Variants in CBFA2T3 observed in about 807,000 individuals in gnomAD.
The protein encoded by CBFA2T3 is CBFA2/RUNX1 partner transcriptional co-repressor 3, also known as transcriptional corepressor CBFA2T3.
CBFA2T3 carries 31 observed loss-of-function variants against 58.6 expected under a neutral mutation model. The observed-to-expected ratio is 0.53, with a 90% confidence interval of 0.40 to 0.71. The LOEUF is 0.71. Among genes scored for constraint, CBFA2T3 ranks in the 30% least tolerant of loss-of-function variants. The pLI, the probability that CBFA2T3 is intolerant of heterozygous loss-of-function variation, is 0.00. For synonymous variants in CBFA2T3, 531 were observed against 421.9 expected, an observed-to-expected ratio of 1.26 and a Z score of -3.17; for missense variants, 1,076 against 963.1, an observed-to-expected ratio of 1.12 and a Z score of -1.55.
intron 3 of CBFA2T3, among the ~76,000 whole-genome samples, chr16:88,893,645 A>G (rs545198972): frequency 6.6e-6 from 1 of 152,306 alleles, no homozygotes; most frequent in Non-Finnish European, 1.5e-5. Flanking sequence ...GGAACAGCTG[A>G]TGAGCGCGCT....
At chr16:88,879,499 C>T in intron 10 of CBFA2T3, 39 bp from the exon 11 acceptor site, 7 of 1,583,380 alleles carry the variant, frequency 4.4e-6, no homozygotes, top group Non-Finnish European at 6.1e-6. Context: ...TCACATGGGC[C>T]ATCCCAGATG....
At chr16:88,882,403 G>A (rs1019765131) in intron 8 of CBFA2T3, among the ~76,000 whole-genome samples, 2 of 151,520 alleles carry the variant, frequency 1.3e-5, no homozygotes, top group Non-Finnish European at 2.9e-5. Context: ...CTGTGTGTGT[G>A]GGTGTGGCTG....
chr16:88,892,427 G>C lies in CBFA2T3; in HGVS notation c.438C>G (p.Asn146Lys), dbSNP rs373118466. ...AGGTGGCCGGGCCATTGCTGAAGCC[G>C]TTGGGTGTGCACGGTGCACCATTGA... is the stretch of plus-strand genomic sequence containing the variant. ...TAINGAPCTPNGFSNGPATSS... is the reference protein window; with the variant it reads ...TAINGAPCTPKGFSNGPATSS... Residue 146 changes from asparagine to lysine, a missense_variant, in exon 4 of 12, where the codon AAC (asparagine) becomes AAG (lysine). Transcript: ENST00000268679. 6.2e-7 allele frequency: 1 copy of C among 1,613,418 alleles called. No individual in the cohort carries two copies. The highest frequency in any genetic ancestry group is 1.3e-5 in the African/African-American group (1 of 74,942).
At chr16:88,954,343 GCCAAGGCTCCTGACCTCAC>G (rs1202073786) in intron 1 of CBFA2T3, among the ~76,000 whole-genome samples, 7 of 110,980 alleles carry the variant, frequency 6.3e-5, no homozygotes, top group East Asian at 2.3e-4. Context: ...CCTGACCCCA[GCCAAGGCTCCTGACCTCAC>G]CCAAGGCTCC....
intron 1 of CBFA2T3, chr16:88,936,908 G>A (rs1971520746): frequency 6.6e-6 from 1 of 152,266 alleles, no homozygotes; most frequent in East Asian, 1.9e-4. Flanking sequence ...GGGGACTGGG[G>A]AGCAGTTATC....
rs556694447 is a variant in CBFA2T3, at chr16:88,975,883, C to T, written c.151+774G>A. Reference sequence around the variant, plus strand: ...GGGTGCAGTCAGACCTTGGACCTGACGGCCTCAGTGAGAGCCCCGCGAGAC... The same window carrying T: ...GGGTGCAGTCAGACCTTGGACCTGATGGCCTCAGTGAGAGCCCCGCGAGAC... On this transcript the variant is annotated intron_variant, in intron 1 of 11. Coordinates refer to ENST00000268679, the MANE Select transcript of CBFA2T3 (RefSeq NM_005187.6). 5.2e-4 allele frequency among the ~76,000 whole-genome samples: 79 copies of T among 152,364 alleles called. 1 individual carries two copies. Among genetic ancestry groups the T allele is most frequent in the African/African-American group, 9.6e-4 (40 of 41,586 alleles).
At chr16:88,905,037 G>A (rs1647615846) in intron 1 of CBFA2T3, among the ~76,000 whole-genome samples, 1 of 152,130 alleles carries the variant, frequency 6.6e-6, no homozygotes, top group African/African-American at 2.4e-5. Context: ...CAGAGAAGAT[G>A]AGGGGTGAGT....
At chr16:88,899,778 G>A (rs898695098) in intron 2 of CBFA2T3, among the ~76,000 whole-genome samples, 5 of 152,352 alleles carry the variant, frequency 3.3e-5, no homozygotes, top group African/African-American at 9.6e-5. Context: ...TCTGTGGAGC[G>A]GGTGTTTTAG....
intron 1 of CBFA2T3, among the ~76,000 whole-genome samples, chr16:88,919,630 C>T (rs1001029640): frequency 3.9e-5 from 6 of 152,206 alleles, no homozygotes; most frequent in Non-Finnish European, 4.4e-5. Context: ...AGGGCAAGCG[C>T]GGGTGTTCCC....
Position 88,876,141 on chromosome 16 carries a change from T to A in CBFA2T3, c.*835A>T, listed in dbSNP as rs969830508. ...ACAAATTTTGGATTTTGATTTCTTGTGTTTGCTTTTTTGGATTTCCTTTGG... is the reference window on the plus strand; with the variant it reads ...ACAAATTTTGGATTTTGATTTCTTGAGTTTGCTTTTTTGGATTTCCTTTGG... On this transcript the variant is annotated 3_prime_UTR_variant, in exon 12 of 12. Transcript: ENST00000268679. 2.6e-5 allele frequency: 6 copies of A among 232,516 alleles called. No homozygotes were observed. The highest frequency in any genetic ancestry group is 4.3e-5 in the Non-Finnish European group (5 of 117,412). The allele number at this position is 232,516 out of a possible 1,614,324, so 14.4% of individuals were successfully genotyped here. A position where few individuals can be genotyped will look rare whatever the true frequency, so the allele number is the denominator to read the frequency against.
intron 1 of CBFA2T3, chr16:88,941,147 G>T (rs1415606277): frequency 3.0e-6 from 3 of 983,634 alleles, no homozygotes; most frequent in Non-Finnish European, 3.6e-6. Flanking sequence ...GCTGTCTTCT[G>T]GCGCCGCACC....
At chr16:88,942,816 G>T (rs997577829) in intron 1 of CBFA2T3, among the ~76,000 whole-genome samples, 1 of 150,708 alleles carries the variant, frequency 6.6e-6, no homozygotes, top group Non-Finnish European at 1.5e-5. Context: ...TGCCCATGTG[G>T]CTCAGCCCAG....
chr16:88,944,456 C>A (rs1971851709), intron 1 of CBFA2T3, among the ~76,000 whole-genome samples: 1 of 152,188 alleles, frequency 6.6e-6, no homozygotes, highest in African/African-American at 2.4e-5. Flanking sequence ...CATGGAAGCC[C>A]TGGGAGACCG....
Position 88,950,456 on chromosome 16 carries a change from G to A in CBFA2T3, c.151+26201C>T, listed in dbSNP as rs1224761778. The A allele has an allele frequency of 6.9e-5, 28 of 407,358 alleles. 2 individuals are homozygous for A. The highest frequency in any genetic ancestry group is 3.5e-4 in the Middle Eastern group (1 of 2,826). The allele number at this position is 407,358 out of a possible 1,614,324, so 25.2% of individuals were successfully genotyped here. ...GTCAGAGTGTTGGCACCTGTCTTCC[G>A]GATCTGTTCACCCCTCCCCCGGACC... On this transcript the variant is annotated intron_variant, in intron 1 of 11. Transcript: ENST00000268679.
Position 88,909,172 on chromosome 16 carries a change from C to A in CBFA2T3, c.152-7516G>T, listed in dbSNP as rs190031940. On this transcript the variant is annotated intron_variant, in intron 1 of 11. Transcript: ENST00000268679. ...ATGCCCCAAAGTCCAGCCTCAGAGGCCCAGCAAGGCCTCTTGCAAAGCCTT... is the reference window on the plus strand; with the variant it reads ...ATGCCCCAAAGTCCAGCCTCAGAGGACCAGCAAGGCCTCTTGCAAAGCCTT... 3.6e-3 allele frequency among the ~76,000 whole-genome samples: 555 copies of A among 152,354 alleles called. 1 individual carries two copies. Among genetic ancestry groups the A allele is most frequent in the African/African-American group, 0.013 (532 of 41,574 alleles).
chr16:88,927,063 C>A (rs1396215391), intron 1 of CBFA2T3, among the ~76,000 whole-genome samples: 1 of 152,224 alleles, frequency 6.6e-6, no homozygotes, highest in Non-Finnish European at 1.5e-5. Flanking sequence ...CAGTGTCAAC[C>A]CCCACGGCCC....
chr16:88,933,057 C>T (rs1461006268), intron 1 of CBFA2T3, among the ~76,000 whole-genome samples: 4 of 152,194 alleles, frequency 2.6e-5, no homozygotes, highest in Admixed American at 6.5e-5. Flanking sequence ...AGCCAGGACC[C>T]GGAGACGTCA....
intron 1 of CBFA2T3, among the ~76,000 whole-genome samples, chr16:88,960,283 T>C (rs1219836216): frequency 6.6e-6 from 1 of 152,182 alleles, no homozygotes; most frequent in Non-Finnish European, 1.5e-5. Context: ...GGACGGCATC[T>C]GTGAAATGGG....
chr16:88,923,011 G>A (rs544684664), intron 1 of CBFA2T3, among the ~76,000 whole-genome samples: 3 of 152,304 alleles, frequency 2.0e-5, no homozygotes, highest in African/African-American at 4.8e-5. Flanking sequence ...AGCTCTACAC[G>A]GCTCTTTACA....
Sources: allele counts gnomAD v4.1 joint callset (sites outside exome capture counted in the v4.1 genomes callset), GRCh38; gene constraint gnomAD v4.1.1; transcripts MANE v1.5; gene names NCBI Gene and HGNC (gene_info 2026-07-23, HGNC 2026-07-21).